Variants in PID1 observed in about 807,000 individuals in gnomAD.
The protein encoded by PID1 is phosphotyrosine interaction domain containing 1, also known as PTB-containing, cubilin and LRP1-interacting protein.
In PID1, 10 loss-of-function variants were observed where a neutral mutation model predicts 19.1. The ratio of observed to expected loss-of-function variants is 0.52; its 90% confidence interval spans 0.32 to 0.89. The LOEUF (loss-of-function observed/expected upper bound fraction) is 0.89, where lower values mean the gene tolerates loss of function less well. Ranked by LOEUF, PID1 falls within the 40% of genes least tolerant of loss-of-function variation. PID1 has a pLI of 0.03. For missense variants in PID1, 248 were observed against 285.3 expected (o/e 0.87, Z 0.94); for synonymous variants, 130 against 116.0 (o/e 1.12, Z -0.78).
intron 2 of PID1, among the ~76,000 whole-genome samples, chr2:229,146,459 C>T (rs1690131969): frequency 6.6e-6 from 1 of 151,904 alleles, no homozygotes; most frequent in Admixed American, 6.6e-5. Context: ...CAAACCTGCA[C>T]GTTCTGCACA....
intron 2 of PID1, among the ~76,000 whole-genome samples, chr2:229,139,866 C>T (rs995884112): frequency 2.0e-5 from 3 of 152,172 alleles, no homozygotes; most frequent in African/African-American, 7.2e-5. Flanking sequence ...TGCTCCTACA[C>T]CTGTTTGCTA....
chr2:229,182,400 AT>A (rs1190751894), intron 1 of PID1, among the ~76,000 whole-genome samples: 3 of 150,764 alleles, frequency 2.0e-5, no homozygotes, highest in African/African-American at 7.2e-5. Context: ...AATAAAACAT[AT>A]TTTTTAAAGT....
chr2:229,099,780 C>T (rs983792098), intron 2 of PID1, among the ~76,000 whole-genome samples: 2 of 152,184 alleles, frequency 1.3e-5, no homozygotes, highest in Non-Finnish European at 2.9e-5. Context: ...AGGAAAACCT[C>T]ATTGATTTCA....
chr2:229,063,652 T>C (rs1003455866), intron 2 of PID1, among the ~76,000 whole-genome samples: 2 of 152,138 alleles, frequency 1.3e-5, no homozygotes, highest in African/African-American at 4.8e-5. Flanking sequence ...TGATCTATAA[T>C]GTTATTAAAA....
At chr2:229,159,830 C>A (rs75514085) in intron 1 of PID1, among the ~76,000 whole-genome samples, 8,643 of 152,206 alleles carry the variant, frequency 0.057, 754 homozygotes, top group African/African-American at 0.2. Flanking sequence ...ACTTCGTAAT[C>A]TGGAAGTTTC....
At chr2:229,037,274 G>C (rs867260171) in intron 2 of PID1, among the ~76,000 whole-genome samples, 2 of 151,980 alleles carry the variant, frequency 1.3e-5, no homozygotes, top group African/African-American at 4.8e-5. Context: ...TATATACCAC[G>C]GAGGAAAAAG....
chr2:229,058,265 T>C (rs1694143741), intron 2 of PID1, among the ~76,000 whole-genome samples: 1 of 152,224 alleles, frequency 6.6e-6, no homozygotes, highest in Non-Finnish European at 1.5e-5. Flanking sequence ...TTTCAGTATG[T>C]TCTGTTTCTT....
chr2:229,044,646 CTCA>C (rs1693837791), intron 2 of PID1, among the ~76,000 whole-genome samples: 1 of 152,166 alleles, frequency 6.6e-6, no homozygotes, highest in Admixed American at 6.5e-5. Context: ...AGTCTTTGTG[CTCA>C]TCATTTCCTG....
chr2:229,174,212 C>T (rs1690768025), intron 1 of PID1, among the ~76,000 whole-genome samples: 1 of 152,148 alleles, frequency 6.6e-6, no homozygotes, highest in Non-Finnish European at 1.5e-5. Flanking sequence ...GTGTAAGAAT[C>T]TGTAGTGGAC....
At chr2:229,078,626 A>T (rs1421189721) in intron 2 of PID1, among the ~76,000 whole-genome samples, 1 of 152,170 alleles carries the variant, frequency 6.6e-6, no homozygotes, top group South Asian at 2.1e-4. Context: ...ATTTTATCGA[A>T]GGCCTGTCTG....
intron 2 of PID1, among the ~76,000 whole-genome samples, chr2:229,118,328 CATAAGT>C (rs1443574740): frequency 3.3e-5 from 5 of 152,264 alleles, no homozygotes; most frequent in East Asian, 1.9e-4. Context: ...TTTAGAGAAG[CATAAGT>C]ATATTACTCT....
chr2:229,195,435 T>G (rs145849820), intron 1 of PID1, among the ~76,000 whole-genome samples: 258 of 151,952 alleles, frequency 1.7e-3, no homozygotes, highest in Middle Eastern at 6.9e-3. Context: ...TAAACACATA[T>G]ACACATATTA....
At chr2:229,042,203 A>G (rs1236483553) in intron 2 of PID1, among the ~76,000 whole-genome samples, 1 of 152,204 alleles carries the variant, frequency 6.6e-6, no homozygotes, top group Non-Finnish European at 1.5e-5. Flanking sequence ...ACACATACAT[A>G]TAGAATATAA....
At chr2:229,178,023 C>T (rs1690861971) in intron 1 of PID1, among the ~76,000 whole-genome samples, 1 of 152,078 alleles carries the variant, frequency 6.6e-6, no homozygotes, top group Non-Finnish European at 1.5e-5. Context: ...GTCTGTCAGC[C>T]CCAGCAGCAG....
intron 2 of PID1, among the ~76,000 whole-genome samples, chr2:229,119,308 A>G (rs1695470693): frequency 6.6e-6 from 1 of 152,262 alleles, no homozygotes; most frequent in African/African-American, 2.4e-5. Flanking sequence ...GTCTAAAATT[A>G]TATACTTTGT....
At position 229,106,077 on chromosome 2, in the gene PID1, C is replaced by CAAA. The variant is rs10664324; in HGVS notation, c.177+49738_177+49740dup. The stretch of plus-strand genomic sequence containing the variant: ...CCTGGGCAACAGAGCGAGATTCCGT[C>CAAA]AAAAAAAAAAAAGGGAAAAGAAGAA... On this transcript the variant is annotated intron_variant, in intron 2 of 2. Coordinates refer to ENST00000392055, the MANE Select transcript of PID1 (RefSeq NM_001100818.2). Among the ~76,000 whole-genome samples, 1,014 of 122,110 alleles carry CAAA rather than the reference C, an allele frequency of 8.3e-3. 33 individuals carry two copies. Among genetic ancestry groups the CAAA allele is most frequent in the Middle Eastern group, 0.012 (3 of 244 alleles). The allele number at this position is 122,110 out of a possible 152,430, so 80.1% of individuals were successfully genotyped here.
At chr2:229,124,410 G>T (rs1267651503) in intron 2 of PID1, among the ~76,000 whole-genome samples, 6 of 152,054 alleles carry the variant, frequency 3.9e-5, no homozygotes, top group African/African-American at 1.2e-4. Flanking sequence ...TAAAAAAAAA[G>T]TTAGAGGAAA....
intron 1 of PID1, among the ~76,000 whole-genome samples, chr2:229,248,449 C>T (rs1690059378): frequency 6.6e-6 from 1 of 152,160 alleles, no homozygotes; most frequent in African/African-American, 2.4e-5. Flanking sequence ...TAATTTCTTC[C>T]ATTGGACTTT....
chr2:229,109,526 C>A (rs978063787), intron 2 of PID1, among the ~76,000 whole-genome samples: 3 of 152,146 alleles, frequency 2.0e-5, no homozygotes, highest in African/African-American at 7.2e-5. Context: ...ATGCATGCTC[C>A]CCATCACAGA....
Sources: gnomAD v4.1 joint callset for allele counts (sites outside exome capture counted in the v4.1 genomes callset) on GRCh38, gnomAD v4.1.1 for gene constraint, MANE v1.5 for transcripts, NCBI Gene and HGNC (gene_info 2026-07-23, HGNC 2026-07-21) for gene names.